Variants in L3MBTL3 observed in about 807,000 individuals in gnomAD.
L3MBTL3 encodes lethal(3)malignant brain tumor-like protein 3.
L3MBTL3 carries 27 observed loss-of-function variants against 102.3 expected under a neutral mutation model. The observed-to-expected ratio is 0.26, with a 90% CI of 0.19 to 0.36. The LOEUF is 0.36. L3MBTL3 is among the 10% of genes least tolerant of loss of function. The pLI is 1.00. For missense variants in L3MBTL3, 798 were observed against 955.3 expected, an observed-to-expected ratio of 0.84 and a Z score of 2.17; for synonymous variants, 340 against 320.9, an observed-to-expected ratio of 1.06 and a Z score of -0.64.
rs1412966101 is a variant in L3MBTL3, at chr6:130,060,110, G to A, written c.834G>A (p.Gln278=). 6.2e-7 allele frequency: 1 copy of A among 1,611,940 alleles called. No individual in the cohort carries two copies. The highest frequency in any genetic ancestry group is 8.5e-7 in the Non-Finnish European group (1 of 1,178,394). Residue 278 remains glutamine (Q), a synonymous_variant, in exon 10 of 23, where the codon CAG becomes CAA. Coordinates refer to ENST00000361794, the MANE Select transcript of L3MBTL3 (RefSeq NM_032438.4). ...TAGAAGGCGTGGATCCTGAGCATCA[G>A]TCTGTGTACTGTGTCCTCACCGTCG... ...MKLEGVDPEH[Q]SVYCVLTVAE...
In L3MBTL3 at chr6:130,140,494, G is replaced by A. The variant is rs545277363; in HGVS notation, c.*741G>A. 6.6e-6 allele frequency: 1 copy of A among 152,436 alleles called. No individual in the cohort carries two copies. Among genetic ancestry groups the A allele is most frequent in the African/African-American group, 2.4e-5 (1 of 41,402 alleles). 9.4% of individuals were successfully genotyped at this position (152,436 alleles called of 1,614,324 possible). The stretch of plus-strand genomic sequence containing the variant: ...AAATATATAAACATAAATAAATTAG[G>A]TAGTGTATTTTGAGTGGCATCAGTC... On this transcript the variant is annotated 3_prime_UTR_variant, in exon 23 of 23. Coordinates refer to ENST00000361794, the MANE Select transcript of L3MBTL3 (RefSeq NM_032438.4).
intron 14 of L3MBTL3, among the ~76,000 whole-genome samples, chr6:130,080,859 T>C (rs1783294242): frequency 6.6e-6 from 1 of 152,232 alleles, no homozygotes; most frequent in South Asian, 2.1e-4. Flanking sequence ...ACTGATTTAT[T>C]GGGCATGTGC....
chr6:130,019,170 T>C (rs928291811), intron 1 of L3MBTL3, among the ~76,000 whole-genome samples: 1 of 150,714 alleles, frequency 6.6e-6, no homozygotes, highest in African/African-American at 2.4e-5. Flanking sequence ...CCCGAGCTTG[T>C]CACTTTGGTC....
At chr6:130,046,380 G>A (rs796272342) in intron 3 of L3MBTL3, among the ~76,000 whole-genome samples, 19 of 152,254 alleles carry the variant, frequency 1.2e-4, no homozygotes, top group African/African-American at 4.3e-4. Flanking sequence ...CTGGTAAGTC[G>A]ATTCAAATCT....
chr6:130,032,970 G>T (rs1779823248), intron 2 of L3MBTL3, among the ~76,000 whole-genome samples: 1 of 152,182 alleles, frequency 6.6e-6, no homozygotes, highest in African/African-American at 2.4e-5. Context: ...TCCAGCATGG[G>T]CAACAGAGCA....
intron 2 of L3MBTL3, among the ~76,000 whole-genome samples, chr6:130,030,665 TAAAAAAAAAA>T (rs548921467): frequency 4.1e-5 from 2 of 48,532 alleles, no homozygotes; most frequent in Non-Finnish European, 7.5e-5. Flanking sequence ...AGACTCTACC[TAAAAAAAAAA>T]AAAAAAAAAA....
chr6:130,062,698 A>G (rs1781978627), intron 10 of L3MBTL3, among the ~76,000 whole-genome samples: 1 of 151,388 alleles, frequency 6.6e-6, no homozygotes, highest in African/African-American at 2.4e-5. Flanking sequence ...CCTGGCATAC[A>G]TATTCTTTAA....
At chr6:130,138,043 T>C (rs545219787) in intron 22 of L3MBTL3, 16 of 152,372 alleles carry the variant, frequency 1.1e-4, no homozygotes, top group African/African-American at 3.8e-4. Context: ...TAGCACACTT[T>C]TTCCACATAA....
intron 2 of L3MBTL3, among the ~76,000 whole-genome samples, chr6:130,033,381 TAAAC>T (rs912381693): frequency 8.5e-5 from 13 of 152,284 alleles, no homozygotes; most frequent in African/African-American, 3.1e-4. Context: ...TTCTGTAAAG[TAAAC>T]AAAAAATCAT....
chr6:130,135,411 T>C (rs979526474), intron 22 of L3MBTL3, among the ~76,000 whole-genome samples: 4 of 152,164 alleles, frequency 2.6e-5, no homozygotes, highest in Admixed American at 6.5e-5. Context: ...CATAGGGAGC[T>C]GTTGGTCTGT....
intron 2 of L3MBTL3, among the ~76,000 whole-genome samples, chr6:130,029,206 C>G (rs1212639483): frequency 6.6e-6 from 1 of 152,192 alleles, no homozygotes; most frequent in African/African-American, 2.4e-5. Flanking sequence ...CACTTATGTC[C>G]TGGTCCTGGC....
chr6:130,065,812 A>G (rs953284131), intron 10 of L3MBTL3, among the ~76,000 whole-genome samples: 1 of 152,204 alleles, frequency 6.6e-6, no homozygotes, highest in Non-Finnish European at 1.5e-5. Flanking sequence ...TACAGAGTAC[A>G]TTCTTACTAG....
chr6:130,055,045 CTTAAAAG>C (rs1193055312), intron 7 of L3MBTL3, 119 bp from the exon 8 acceptor site: 1 of 723,662 alleles, frequency 1.4e-6, no homozygotes, highest in East Asian at 2.7e-5. Flanking sequence ...TCTTACTTTC[CTTAAAAG>C]TTACAAAGTA....
chr6:130,111,319 G>A (rs1386250709), intron 19 of L3MBTL3, among the ~76,000 whole-genome samples: 1 of 152,168 alleles, frequency 6.6e-6, no homozygotes, highest in East Asian at 1.9e-4. Context: ...GGATGAGGGA[G>A]CTGAACTACT....
rs1025740784 is a variant in L3MBTL3, at chr6:130,140,207, G to A, written c.*454G>A. The A allele has an allele frequency of 2.5e-5, 4 of 159,574 alleles. No individual in the cohort carries two copies. The highest frequency in any genetic ancestry group is 5.5e-5 in the Non-Finnish European group (4 of 73,016). The allele number at this position is 159,574 out of a possible 1,614,324, so 9.9% of individuals were successfully genotyped here. A position where few individuals can be genotyped will look rare whatever the true frequency, so the allele number is the denominator to read the frequency against. Reference sequence around the variant, plus strand: ...ATTAGTCGAAACCTGGCTAAGTTTAGCCAGTAGGACTGTTATCTGTATTGT... The same window carrying A: ...ATTAGTCGAAACCTGGCTAAGTTTAACCAGTAGGACTGTTATCTGTATTGT... On this transcript the variant is annotated 3_prime_UTR_variant, in exon 23 of 23. Coordinates refer to ENST00000361794, the MANE Select transcript of L3MBTL3 (RefSeq NM_032438.4).
intron 20 of L3MBTL3, among the ~76,000 whole-genome samples, chr6:130,122,753 A>G (rs1026927011): frequency 2.0e-5 from 3 of 150,878 alleles, no homozygotes; most frequent in Admixed American, 6.6e-5. Flanking sequence ...AGGTAAGAGC[A>G]TGGCCTTCAT....
intron 15 of L3MBTL3, 79 bp from the exon 16 acceptor site, chr6:130,086,058 TTTC>T (rs556837502): frequency 2.3e-3 from 2,276 of 975,412 alleles, no homozygotes; most frequent in Non-Finnish European, 2.7e-3. Flanking sequence ...TGGCCAGCTT[TTTC>T]TTCTTCTTCT....
At chr6:130,097,743 G>A (rs372408117) in intron 18 of L3MBTL3, among the ~76,000 whole-genome samples, 4 of 152,152 alleles carry the variant, frequency 2.6e-5, no homozygotes, top group Non-Finnish European at 2.9e-5. Flanking sequence ...GTAAGGAATG[G>A]GAAGAGATTA....
intron 18 of L3MBTL3, among the ~76,000 whole-genome samples, chr6:130,103,691 A>T (rs1322200393): frequency 1.3e-5 from 2 of 152,196 alleles, no homozygotes; most frequent in Admixed American, 1.3e-4. Context: ...TGGAATGCTG[A>T]AGACCTGGGC....
Sources: gnomAD v4.1 joint callset for allele counts (sites outside exome capture counted in the v4.1 genomes callset) on GRCh38, gnomAD v4.1.1 for gene constraint, MANE v1.5 for transcripts, NCBI Gene and HGNC (gene_info 2026-07-23, HGNC 2026-07-21) for gene names.